Variants in ESRRG observed in about 807,000 individuals in gnomAD.
The protein encoded by ESRRG is estrogen related receptor gamma, also known as estrogen-related receptor gamma.
ESRRG carries 13 observed loss-of-function variants against 44.0 expected under a neutral mutation model. That is an observed-to-expected ratio of 0.30 (90% CI 0.19 to 0.47). The LOEUF (loss-of-function observed/expected upper bound fraction) is 0.47. Among genes scored for constraint, ESRRG ranks in the 20% least tolerant of loss-of-function variants. The pLI is 1.00. For missense variants in ESRRG, 395 were observed against 580.6 expected, an observed-to-expected ratio of 0.68 and a Z score of 3.29; for synonymous variants, 215 against 214.6, an observed-to-expected ratio of 1.00 and a Z score of -0.02.
At chr1:216,990,512 A>T (rs7517404) in intron 1 of ESRRG, among the ~76,000 whole-genome samples, 61,061 of 151,842 alleles carry the variant, frequency 0.4, 12,909 homozygotes, top group Middle Eastern at 0.49. Context: ...ATGGGCTTAA[A>T]CTATGTGGGT....
intron 2 of ESRRG, among the ~76,000 whole-genome samples, chr1:216,752,281 G>A (rs538063224): frequency 6.6e-6 from 1 of 152,120 alleles, no homozygotes; most frequent in African/African-American, 2.4e-5. Context: ...AGCTGTATAA[G>A]AAATTTCAGA....
At chr1:216,879,095 A>T (rs911671590) in intron 2 of ESRRG, among the ~76,000 whole-genome samples, 1 of 152,226 alleles carries the variant, frequency 6.6e-6, no homozygotes, top group African/African-American at 2.4e-5. Context: ...TAGCAGGGAT[A>T]GTTTAGTTTT....
At chr1:216,674,100 AAC>A (rs1228643337) in intron 2 of ESRRG, among the ~76,000 whole-genome samples, 8 of 152,236 alleles carry the variant, frequency 5.3e-5, no homozygotes, top group African/African-American at 1.9e-4. Context: ...TCAAATTAAT[AAC>A]AGTTTGAATT....
chr1:216,647,186 C>T (rs1229724936), intron 3 of ESRRG, among the ~76,000 whole-genome samples: 1 of 151,816 alleles, frequency 6.6e-6, no homozygotes, highest in Non-Finnish European at 1.5e-5. Flanking sequence ...TTCAAATAAG[C>T]AATACCTGAA....
intron 2 of ESRRG, among the ~76,000 whole-genome samples, chr1:216,676,430 G>A (rs964696428): frequency 2.6e-5 from 4 of 151,992 alleles, no homozygotes; most frequent in Non-Finnish European, 4.4e-5. Context: ...TCATTTAAAA[G>A]TTAGAAAAAG....
intron 2 of ESRRG, among the ~76,000 whole-genome samples, chr1:216,909,880 C>T (rs148964660): frequency 5.3e-5 from 8 of 152,176 alleles, no homozygotes; most frequent in African/African-American, 1.9e-4. Flanking sequence ...CCATTAATAA[C>T]AACAAGCAAA....
intron 2 of ESRRG, among the ~76,000 whole-genome samples, chr1:216,777,323 C>T (rs2093652302): frequency 6.6e-6 from 1 of 152,106 alleles, no homozygotes; most frequent in Non-Finnish European, 1.5e-5. Flanking sequence ...AGCAGCTCCT[C>T]CCATTCCCAA....
chr1:217,042,838 G>C (rs936098147), intron 1 of ESRRG, among the ~76,000 whole-genome samples: 1 of 152,038 alleles, frequency 6.6e-6, no homozygotes, highest in African/African-American at 2.4e-5. Context: ...ACACAGCCAG[G>C]GAACTGCTAA....
intron 6 of ESRRG, among the ~76,000 whole-genome samples, chr1:216,509,138 G>A (rs1335474445): frequency 6.6e-6 from 1 of 152,174 alleles, no homozygotes; most frequent in Non-Finnish European, 1.5e-5. Flanking sequence ...GGTAATATGT[G>A]TCAGACACAG....
intron 1 of ESRRG, among the ~76,000 whole-genome samples, chr1:216,709,071 G>C (rs55671306): frequency 0.019 from 2,894 of 152,142 alleles, 87 homozygotes; most frequent in African/African-American, 0.066. Flanking sequence ...GCAGGAGAGT[G>C]GGGGGCTAAG....
At chr1:217,065,870 G>A (rs2089564840) in intron 1 of ESRRG, among the ~76,000 whole-genome samples, 1 of 152,158 alleles carries the variant, frequency 6.6e-6, no homozygotes, top group Admixed American at 6.5e-5. Flanking sequence ...AAGCTTGAGC[G>A]ACCAGGGGCA....
At chr1:216,768,096 T>C (rs551449013) in intron 2 of ESRRG, among the ~76,000 whole-genome samples, 1 of 152,234 alleles carries the variant, frequency 6.6e-6, no homozygotes, top group Admixed American at 6.5e-5. Flanking sequence ...GAAGGGGTTA[T>C]AATCACACTT....
chr1:217,078,606 G>A (rs1283233811), intron 1 of ESRRG, among the ~76,000 whole-genome samples: 2 of 152,142 alleles, frequency 1.3e-5, no homozygotes, highest in African/African-American at 2.4e-5. Context: ...ACTGTTACTG[G>A]CTGGATTCTG....
intron 1 of ESRRG, 147 bp downstream of exon 1, chr1:216,723,096 CA>C: frequency 1.5e-6 from 1 of 662,752 alleles, no homozygotes; most frequent in Admixed American, 2.7e-5. Context: ...ACCCTCAACA[CA>C]AAAGACACAA....
At chr1:216,558,601 CTTTATAATTTGAAAATTA>C (rs2149473134) in intron 5 of ESRRG, among the ~76,000 whole-genome samples, 1 of 152,068 alleles carries the variant, frequency 6.6e-6, no homozygotes, top group Non-Finnish European at 1.5e-5. Flanking sequence ...TTAGATCATG[CTTTATAATTTGAAAATTA>C]TTTATACATA....
chr1:216,508,431 G>T (rs923383182), intron 6 of ESRRG, among the ~76,000 whole-genome samples: 5 of 152,124 alleles, frequency 3.3e-5, no homozygotes, highest in African/African-American at 1.2e-4. Context: ...CTGGAATAAA[G>T]TTGCTTATAA....
intron 2 of ESRRG, among the ~76,000 whole-genome samples, chr1:216,779,959 G>A (rs1400664801): frequency 6.6e-6 from 1 of 151,736 alleles, no homozygotes; most frequent in Non-Finnish European, 1.5e-5. Context: ...CAGCCAACAT[G>A]TTCTATACAC....
intron 1 of ESRRG, among the ~76,000 whole-genome samples, chr1:217,083,954 C>T (rs2091922763): frequency 6.6e-6 from 1 of 152,168 alleles, no homozygotes; most frequent in African/African-American, 2.4e-5. Flanking sequence ...TGCAACCTTA[C>T]ATTTTCCTCA....
chr1:217,120,293 C>G (rs764934981), intron 1 of ESRRG, among the ~76,000 whole-genome samples: 2 of 151,812 alleles, frequency 1.3e-5, no homozygotes, highest in Non-Finnish European at 1.5e-5. Context: ...CATACCTAAT[C>G]CTAGAAATAT....
Sources: gnomAD v4.1 joint callset for allele counts (sites outside exome capture counted in the v4.1 genomes callset) on GRCh38, gnomAD v4.1.1 for gene constraint, MANE v1.5 for transcripts, NCBI Gene and HGNC (gene_info 2026-07-23, HGNC 2026-07-21) for gene names.